Variants in LY6G5B observed in about 807,000 individuals in gnomAD.
The protein encoded by LY6G5B is lymphocyte antigen 6 complex locus protein G5b.
LY6G5B carries 6 observed loss-of-function variants against 6.7 expected under a neutral mutation model. That is an observed-to-expected ratio of 0.89 (90% CI 0.49 to 1.76). The LOEUF (loss-of-function observed/expected upper bound fraction) is 1.76, where lower values mean the gene tolerates loss of function less well. LY6G5B is among the 40% of genes most tolerant of loss of function. LY6G5B has a pLI of 0.01. For missense variants in LY6G5B, 240 were observed against 249.5 expected (o/e 0.96, Z 0.26); for synonymous variants, 98 against 99.4 (o/e 0.99, Z 0.09).
Position 31,670,750 on chromosome 6 carries a change from A to G in LY6G5B, c.-201A>G, listed in dbSNP as rs1802147678. On this transcript the variant is annotated 5_prime_UTR_variant, in exon 1 of 3. An upstream start codon of the reference 5' UTR is lost. Transcript: ENST00000375864. Reference sequence around the variant, plus strand: ...GGAACCAGACGTTGTGGGTGAGGACATGCTGTCCCTCCTGCCAAGTAATAA... The same window carrying G: ...GGAACCAGACGTTGTGGGTGAGGACGTGCTGTCCCTCCTGCCAAGTAATAA... 2 of 581,068 alleles carry G rather than the reference A, an allele frequency of 3.4e-6. No homozygotes were observed. The highest frequency in any genetic ancestry group is 6.1e-6 in the Non-Finnish European group (2 of 330,222). 36.0% of individuals were successfully genotyped at this position (581,068 alleles called of 1,614,324 possible).
At position 31,671,964 on chromosome 6, in the gene LY6G5B, C is replaced by T. The variant is rs2254083; in HGVS notation, c.288C>T (p.Ala96=). ...ACTTTGCAGAGTACTGGTATCAGGC[C>T]CAGTGCTGTCAGTACGATTATTGCA... Residue 96 remains alanine (A), a synonymous_variant, in exon 3 of 3, where the codon GCC becomes GCT. Transcript: ENST00000375864. 5.4e-3 allele frequency: 8,724 copies of T among 1,613,040 alleles called. 171 individuals are homozygous for T. In the African/African-American group the frequency reaches 0.063, roughly 12 times the overall value.
intron 2 of LY6G5B, 73 bp from the exon 3 acceptor site, chr6:31,671,789 GAA>G (rs1802237436): frequency 6.6e-7 from 1 of 1,515,746 alleles, no homozygotes; most frequent in South Asian, 1.3e-5. Context: ...TGAAGGATGG[GAA>G]AAGTCAGTAG....
exon 3 of LY6G5B, chr6:31,672,124 C>G: frequency 6.2e-7 from 1 of 1,613,148 alleles, no homozygotes; most frequent in Non-Finnish European, 8.5e-7. Flanking sequence ...CCCCAATTTC[C>G]ATGCTGGGAC....
At chr6:31,671,945 C>T in exon 3 of LY6G5B, 1 of 1,613,088 alleles carries the variant, frequency 6.2e-7, no homozygotes, top group South Asian at 1.1e-5. Flanking sequence ...ACCTACTTTG[C>T]AGAGTACTGG....
At chr6:31,670,011 A>G, upstream of LY6G5B, 1 of 1,103,714 alleles carries the variant, frequency 9.1e-7, no homozygotes, top group South Asian at 1.5e-5. Context: ...TTTTTAGTTT[A>G]AATTAAAGGA....
rs564334562 is a variant in LY6G5B at position 31,671,915 on chromosome 6, G to A, written c.239G>A (p.Arg80His). The A allele has an allele frequency of 1.6e-5, 26 of 1,612,992 alleles. No individual in the cohort carries two copies. The highest frequency in any genetic ancestry group is 2.2e-5 in the East Asian group (1 of 44,880). The change falls in exon 3 of 3, where the codon CGC becomes CAC. Residue 80 changes from arginine (R) to histidine (H), a missense_variant. Transcript: ENST00000375864. ...GGCTGTGGACAGTACATTTCCTACCGCTGCCAAGAAAAACGCAACACCTAC... is the reference window on the plus strand; with the variant it reads ...GGCTGTGGACAGTACATTTCCTACCACTGCCAAGAAAAACGCAACACCTAC...
Position 31,671,019 on chromosome 6 carries a change from C to T in LY6G5B, c.58+11C>T, listed in dbSNP as rs1371910634. 6.2e-7 allele frequency: 1 copy of T among 1,611,780 alleles called. No individual in the cohort carries two copies. Among genetic ancestry groups the T allele is most frequent in the Non-Finnish European group, 8.5e-7 (1 of 1,178,766 alleles). ...TCACAGTAGGAAAGGGTAAGTGGGG[C>T]CCAGGGGCAGGGAGGGAGGAAGGGG... On this transcript the variant is annotated intron_variant, in intron 1 of 2. Transcript: ENST00000375864.
chr6:31,670,158 A>T, upstream of LY6G5B: 1 of 447,444 alleles, frequency 2.2e-6, no homozygotes, highest in Non-Finnish European at 3.7e-6. Context: ...CACCCTCCCC[A>T]GATTGAAAAC....
intron 1 of LY6G5B, 70 bp from the exon 2 acceptor site, chr6:31,671,086 T>C: frequency 6.2e-7 from 1 of 1,611,158 alleles, no homozygotes; most frequent in Non-Finnish European, 8.5e-7. Flanking sequence ...CCATGGATAA[T>C]CGGGCTTCCT....
exon 3 of LY6G5B, chr6:31,672,391 G>A: frequency 2.6e-6 from 3 of 1,164,132 alleles, no homozygotes; most frequent in East Asian, 2.4e-5. Flanking sequence ...TCCGTCTGTT[G>A]TACCACTAGC....
chr6:31,670,783 C>A, exon 1 of LY6G5B: 1 of 679,238 alleles, frequency 1.5e-6, no homozygotes, highest in Non-Finnish European at 2.5e-6. Context: ...TAACTTCCTT[C>A]CCAGCCAGGA....
rs148468654 is a variant in LY6G5B at position 31,672,508 on chromosome 6, G to C, written c.*226G>C. 787 of 598,914 alleles carry C rather than the reference G, an allele frequency of 1.3e-3. 4 individuals are homozygous for C. The highest frequency in any genetic ancestry group is 9.5e-3 in the African/African-American group (511 of 53,842). 37.1% of individuals were successfully genotyped at this position (598,914 alleles called of 1,614,324 possible). A position where few individuals can be genotyped will look rare whatever the true frequency, so the allele number is the denominator to read the frequency against. On this transcript the variant is annotated 3_prime_UTR_variant, in exon 3 of 3. Coordinates refer to ENST00000375864, the Ensembl canonical transcript of LY6G5B. ...CACCCAGGGTGGAGTGCAGTGGCATGATCTCTGCTCACTACAACCTCCACC... is the reference window on the plus strand; with the variant it reads ...CACCCAGGGTGGAGTGCAGTGGCATCATCTCTGCTCACTACAACCTCCACC...
At chr6:31,673,232 C>A (rs1802364267) in exon 3 of LY6G5B, 1 of 152,316 alleles carries the variant, frequency 6.6e-6, no homozygotes, top group African/African-American at 2.4e-5. Context: ...CGCCACTGCA[C>A]TCCAGCCTGG....
intron 2 of LY6G5B, 110 bp from the exon 3 acceptor site, chr6:31,671,753 TG>T: frequency 7.6e-7 from 1 of 1,324,416 alleles, no homozygotes; most frequent in Non-Finnish European, 1.0e-6. Context: ...TGAAGGACTC[TG>T]GGTTAGAAGT....
chr6:31,670,695 A>G (rs1802144817), exon 1 of LY6G5B: 7 of 517,826 alleles, frequency 1.4e-5, no homozygotes, highest in Non-Finnish European at 1.0e-5. Flanking sequence ...CCCAGGTATT[A>G]CCCCATCTGG....
chr6:31,670,677 C>T (rs777115593), exon 1 of LY6G5B: 3 of 485,302 alleles, frequency 6.2e-6, no homozygotes, highest in South Asian at 4.0e-5. Flanking sequence ...ATAAAGAACC[C>T]GGTAGTGCCC....
intron 2 of LY6G5B, 148 bp from the exon 3 acceptor site, chr6:31,671,716 C>A (rs576839622): frequency 6.6e-6 from 6 of 915,168 alleles, no homozygotes; most frequent in Non-Finnish European, 8.1e-6. Context: ...TTCTAGGGGG[C>A]CAGCAGAGCT....
Position 31,670,871 on chromosome 6 carries a change from A to C in LY6G5B, c.-80A>C. The C allele has an allele frequency of 6.9e-7, 1 of 1,452,748 alleles. No homozygotes were observed. The highest frequency in any genetic ancestry group is 9.3e-7 in the Non-Finnish European group (1 of 1,073,180). The allele number at this position is 1,452,748 out of a possible 1,614,324, so 90.0% of individuals were successfully genotyped here. A position where few individuals can be genotyped will look rare whatever the true frequency, so the allele number is the denominator to read the frequency against. On this transcript the variant is annotated 5_prime_UTR_variant, in exon 1 of 3. An upstream open reading frame in the 5' UTR loses its in-frame stop. Coordinates refer to ENST00000375864, the Ensembl canonical transcript of LY6G5B. ...CCTTGTCAAAACCACCCTGCAGCTT[A>C]GGATTAAGGAGCATGGTCACAGGAA...
At chr6:31,671,442 G>A (rs1240226424) in intron 2 of LY6G5B, among the ~76,000 whole-genome samples, 158 bp downstream of exon 2, 1 of 152,134 alleles carries the variant, frequency 6.6e-6, no homozygotes, top group Non-Finnish European at 1.5e-5. Flanking sequence ...TTGGGAGGCT[G>A]AGGCAGGTGG....
Sources: allele counts gnomAD v4.1 joint callset (sites outside exome capture counted in the v4.1 genomes callset), GRCh38; gene constraint gnomAD v4.1.1; transcripts MANE v1.5; gene names NCBI Gene and HGNC (gene_info 2026-07-23, HGNC 2026-07-21).